Variants in LINGO2 observed in about 807,000 individuals in gnomAD.
LINGO2 encodes leucine-rich repeat and immunoglobulin-like domain-containing nogo receptor-interacting protein 2.
Under a neutral mutation model 30.6 loss-of-function variants are expected in LINGO2, and 14 were observed. The observed-to-expected ratio is 0.46, with a 90% CI of 0.30 to 0.72. LINGO2 has a LOEUF of 0.72. Among genes scored for constraint, LINGO2 ranks in the 30% least tolerant of loss-of-function variants. The pLI, the probability that LINGO2 is intolerant of heterozygous loss-of-function variation, is 0.07. For synonymous variants in LINGO2, 317 were observed against 288.5 expected, an observed-to-expected ratio of 1.10 and a Z score of -1.00; for missense variants, 729 against 751.7, an observed-to-expected ratio of 0.97 and a Z score of 0.35.
At chr9:28,511,250 T>C (rs1820373736) in intron 1 of LINGO2, among the ~76,000 whole-genome samples, 1 of 152,168 alleles carries the variant, frequency 6.6e-6, no homozygotes. Flanking sequence ...TAAGTGTCTA[T>C]TCCAGTGAGG....
intron 4 of LINGO2, among the ~76,000 whole-genome samples, chr9:28,028,338 T>C (rs753735009): frequency 9.9e-5 from 15 of 152,192 alleles, no homozygotes; most frequent in Admixed American, 9.8e-4. Flanking sequence ...TCTTTCACTT[T>C]AGCAGCTTTT....
chr9:28,995,264 A>C, the LINGO2 span, among the ~76,000 whole-genome samples: 1 of 152,206 alleles, frequency 6.6e-6, no homozygotes, highest in Non-Finnish European at 1.5e-5. Flanking sequence ...AAAACACATG[A>C]AAAAATGCTC....
chr9:28,318,620 G>C (rs564547710), intron 3 of LINGO2, among the ~76,000 whole-genome samples: 6 of 152,068 alleles, frequency 3.9e-5, no homozygotes, highest in Non-Finnish European at 7.4e-5. Flanking sequence ...TAGAAAATGA[G>C]CTCCAAAGGA....
the LINGO2 span, among the ~76,000 whole-genome samples, chr9:28,923,907 C>A: frequency 6.6e-6 from 1 of 152,094 alleles, no homozygotes; most frequent in East Asian, 1.9e-4. Flanking sequence ...CAGCTCTGTA[C>A]AGGAAATAAA....
chr9:28,091,132 A>T (rs993016423), intron 4 of LINGO2, among the ~76,000 whole-genome samples: 3 of 152,206 alleles, frequency 2.0e-5, no homozygotes, highest in Admixed American at 6.6e-5. Context: ...GAAAATGGCC[A>T]TATTGCCCAA....
intron 2 of LINGO2, among the ~76,000 whole-genome samples, chr9:28,429,186 G>A (rs1364607389): frequency 6.6e-6 from 1 of 152,162 alleles, no homozygotes; most frequent in Non-Finnish European, 1.5e-5. Context: ...GATACAAAGA[G>A]TATTCTGCTA....
intron 4 of LINGO2, among the ~76,000 whole-genome samples, chr9:28,041,595 T>C (rs1224222815): frequency 6.6e-6 from 1 of 152,162 alleles, no homozygotes; most frequent in East Asian, 1.9e-4. Flanking sequence ...AAAGTCTCAG[T>C]TCTGACTTGA....
At chr9:28,253,451 T>C (rs1007980447) in intron 4 of LINGO2, among the ~76,000 whole-genome samples, 1 of 152,190 alleles carries the variant, frequency 6.6e-6, no homozygotes, top group Non-Finnish European at 1.5e-5. Flanking sequence ...TTTAGATGAG[T>C]GAGAAAGCAT....
intron 1 of LINGO2, among the ~76,000 whole-genome samples, chr9:28,575,156 C>A (rs1209805842): frequency 6.6e-6 from 1 of 152,024 alleles, no homozygotes; most frequent in Non-Finnish European, 1.5e-5. Context: ...GTAATCCCAG[C>A]ACTTTGGGAG....
At chr9:28,453,169 G>A (rs2135081802) in intron 2 of LINGO2, among the ~76,000 whole-genome samples, 1 of 151,914 alleles carries the variant, frequency 6.6e-6, no homozygotes, top group Admixed American at 6.6e-5. Flanking sequence ...AGCATTTTCT[G>A]TGTTCCAACC....
At chr9:28,567,345 A>C (rs1389796870) in intron 1 of LINGO2, among the ~76,000 whole-genome samples, 2 of 152,166 alleles carry the variant, frequency 1.3e-5, no homozygotes, top group Admixed American at 6.5e-5. Context: ...CTAGCACTCA[A>C]TATGTTTATC....
the LINGO2 span, among the ~76,000 whole-genome samples, chr9:28,795,543 T>A: frequency 4.6e-5 from 7 of 151,748 alleles, no homozygotes; most frequent in Non-Finnish European, 7.4e-5. Context: ...TCTATTTCTT[T>A]ATATATGCAT....
intron 3 of LINGO2, among the ~76,000 whole-genome samples, chr9:28,360,713 T>G (rs3849956): frequency 0.32 from 47,938 of 152,032 alleles, 8,992 homozygotes; most frequent in Non-Finnish European, 0.41. Flanking sequence ...CCTTTTAACA[T>G]TCCTTTAACC....
At chr9:28,467,418 A>G (rs1459425303) in intron 2 of LINGO2, among the ~76,000 whole-genome samples, 1 of 152,126 alleles carries the variant, frequency 6.6e-6, no homozygotes, top group East Asian at 1.9e-4. Flanking sequence ...GACATGAGAA[A>G]CGTATAGATT....
rs1827890454 is a variant in LINGO2, at chr9:28,148,719, C to G, written c.-86-136314G>C. 1.3e-6 allele frequency: 2 copies of G among 1,533,714 alleles called. No homozygotes were observed. The highest frequency in any genetic ancestry group is 1.7e-6 in the Non-Finnish European group (2 of 1,146,164). ...CATGGAGTCGCCAGTTCACACAGCC[C>G]TGCTGGAGGCATCCTTCCCTTTGGG... On this transcript the variant is annotated intron_variant, in intron 4 of 5. Transcript: ENST00000379992. The surrounding 1 kb of genome is among the most constrained non-coding windows in gnomAD (Gnocchi z 5.1).
chr9:28,305,420 T>C (rs1167976339), intron 3 of LINGO2, among the ~76,000 whole-genome samples: 1 of 151,988 alleles, frequency 6.6e-6, no homozygotes, highest in Non-Finnish European at 1.5e-5. Flanking sequence ...AGAAAAATGT[T>C]AAAACTGCCT....
At chr9:28,498,242 C>T (rs568372618) in intron 1 of LINGO2, among the ~76,000 whole-genome samples, 9 of 152,296 alleles carry the variant, frequency 5.9e-5, no homozygotes, top group Non-Finnish European at 1.0e-4. Context: ...TTTGGCTATG[C>T]CCTGCCCCCA....
At chr9:29,034,927 AAAG>A in the LINGO2 span, among the ~76,000 whole-genome samples, 1 of 152,148 alleles carries the variant, frequency 6.6e-6, no homozygotes, top group Admixed American at 6.6e-5. Flanking sequence ...CCTACTTTAG[AAAG>A]GTGAACAAAA....
chr9:28,064,435 G>C (rs1229757210), intron 4 of LINGO2, among the ~76,000 whole-genome samples: 1 of 152,100 alleles, frequency 6.6e-6, no homozygotes, highest in East Asian at 1.9e-4. Flanking sequence ...TGACGAACCA[G>C]CTGGGCTTGT....
Sources: gnomAD v4.1 joint callset for allele counts (sites outside exome capture counted in the v4.1 genomes callset) on GRCh38, gnomAD v4.1.1 for gene constraint, Gnocchi (gnomAD v3.1) non-coding constraint, MANE v1.5 for transcripts, NCBI Gene and HGNC (gene_info 2026-07-23, HGNC 2026-07-21) for gene names.